TRAF3: variants seen among roughly 807,000 people sequenced by gnomAD.
TRAF3 encodes the protein TNF receptor associated factor 3, also known as TNF receptor-associated factor 3.
In TRAF3, 13 loss-of-function variants were observed where a neutral mutation model predicts 62.3. That is an observed-to-expected ratio of 0.21 (90% CI 0.14 to 0.33). The LOEUF is 0.33. Ranked by LOEUF, TRAF3 falls within the 10% of genes least tolerant of loss-of-function variation. The pLI, the probability that TRAF3 is intolerant of heterozygous loss-of-function variation, is 1.00. For missense variants in TRAF3, 440 were observed against 741.8 expected (o/e 0.59, Z 4.73); for synonymous variants, 269 against 283.4 (o/e 0.95, Z 0.51).
At chr14:102,879,686 C>A (rs543733715) in intron 6 of TRAF3, among the ~76,000 whole-genome samples, 2 of 147,838 alleles carry the variant, frequency 1.4e-5, no homozygotes, top group Admixed American at 6.8e-5. Context: ...ATGGCAAAAA[C>A]GGCAATTACT....
At chr14:102,790,402 A>G (rs1428740234) in intron 1 of TRAF3, among the ~76,000 whole-genome samples, 1 of 152,200 alleles carries the variant, frequency 6.6e-6, no homozygotes, top group Non-Finnish European at 1.5e-5. Flanking sequence ...ACCACACTAT[A>G]TTAGTCTGTT....
chr14:102,844,072 A>G (rs1886547907), intron 2 of TRAF3, among the ~76,000 whole-genome samples: 1 of 152,256 alleles, frequency 6.6e-6, no homozygotes, highest in East Asian at 1.9e-4. Context: ...CAGTCCTATG[A>G]CTATTAAAAA....
chr14:102,800,867 T>C (rs1050994723), intron 1 of TRAF3, among the ~76,000 whole-genome samples: 1 of 152,108 alleles, frequency 6.6e-6, no homozygotes, highest in Non-Finnish European at 1.5e-5. Context: ...AGCTGATTTT[T>C]TAATTTAAAT....
intron 2 of TRAF3, among the ~76,000 whole-genome samples, chr14:102,843,887 T>C (rs1387906069): frequency 6.6e-6 from 1 of 151,814 alleles, no homozygotes; most frequent in Non-Finnish European, 1.5e-5. Context: ...ATATAAATAA[T>C]GAAATGAAAT....
At chr14:102,861,264 GTGCAAGGCAGATTAATCCAAAGAGA>G (rs1158259221) in intron 2 of TRAF3, among the ~76,000 whole-genome samples, 1 of 152,208 alleles carries the variant, frequency 6.6e-6, no homozygotes, top group African/African-American at 2.4e-5. Flanking sequence ...TCAGCAAAGA[GTGCAAGGCAGATTAATCCAAAGAGA>G]ATAGCAGTTA....
intron 1 of TRAF3, among the ~76,000 whole-genome samples, chr14:102,792,325 C>T (rs954590919): frequency 4.6e-5 from 7 of 151,526 alleles, no homozygotes; most frequent in Non-Finnish European, 1.0e-4. Context: ...CAGGGTCTTG[C>T]TGTGTTGCCC....
rs373758197 is a variant in TRAF3, at chr14:102,791,308, C to T, written c.-157+13633C>T. On this transcript the variant is annotated intron_variant, in intron 1 of 11. Coordinates refer to ENST00000392745, the MANE Select transcript of TRAF3 (RefSeq NM_145725.3). ...TGCTGGGATTACAGGTATGAGCCAC[C>T]GCGCCCAGCTGAACTTGGGATGTCT... 2.4e-4 allele frequency among the ~76,000 whole-genome samples: 36 copies of T among 152,140 alleles called. 1 individual carries two copies. In the East Asian group the frequency reaches 2.5e-3, roughly 11 times the overall value.
chr14:102,854,987 T>C (rs1427958407), intron 2 of TRAF3, among the ~76,000 whole-genome samples: 3 of 152,192 alleles, frequency 2.0e-5, no homozygotes, highest in African/African-American at 7.2e-5. Flanking sequence ...CCATAAGCAG[T>C]GAGTCCCCAT....
chr14:102,855,886 G>A (rs1352618001), intron 2 of TRAF3, among the ~76,000 whole-genome samples: 2 of 151,862 alleles, frequency 1.3e-5, no homozygotes, highest in Non-Finnish European at 2.9e-5. Context: ...GAGCCCAGGA[G>A]TTTGAGAACA....
rs368657221 is a variant in TRAF3, at chr14:102,797,469, A to AGAG, written c.-157+19810_-157+19812dup. Among the ~76,000 whole-genome samples, 198 of 152,038 alleles carry AGAG rather than the reference A, an allele frequency of 1.3e-3. 4 individuals carry two copies. In the East Asian group the frequency reaches 0.032, roughly 24 times the overall value. ...TGTTGGTAAGCCAGAGGCAGGAGGAAGAGGAGGAGGAGGAGGAGATAGTGG... is the reference window on the plus strand; with the variant it reads ...TGTTGGTAAGCCAGAGGCAGGAGGAAGAGGAGGAGGAGGAGGAGGAGATAGTGG... On this transcript the variant is annotated intron_variant, in intron 1 of 11. Coordinates refer to ENST00000392745, the MANE Select transcript of TRAF3 (RefSeq NM_145725.3).
intron 4 of TRAF3, 101 bp downstream of exon 4, chr14:102,872,069 A>C: frequency 7.8e-6 from 10 of 1,284,048 alleles, no homozygotes; most frequent in Non-Finnish European, 1.1e-5. Flanking sequence ...ACATTCTCTC[A>C]GTTTTGGCAG....
intron 2 of TRAF3, among the ~76,000 whole-genome samples, chr14:102,853,358 C>T (rs573530099): frequency 2.6e-5 from 4 of 152,066 alleles, no homozygotes; most frequent in Admixed American, 2.0e-4. Flanking sequence ...TTTTTATGTT[C>T]GTGGTGGTGG....
intron 2 of TRAF3, among the ~76,000 whole-genome samples, chr14:102,842,787 T>C (rs1316466447): frequency 6.6e-6 from 1 of 152,122 alleles, no homozygotes; most frequent in Non-Finnish European, 1.5e-5. Context: ...GGTCACATCT[T>C]GTGTGAACCA....
At chr14:102,894,736 C>T (rs149023583) in intron 9 of TRAF3, among the ~76,000 whole-genome samples, 1 of 152,302 alleles carries the variant, frequency 6.6e-6, no homozygotes, top group East Asian at 1.9e-4. Flanking sequence ...TCATACTCAA[C>T]TGCTTGATTT....
At chr14:102,854,626 T>C (rs1887252639) in intron 2 of TRAF3, among the ~76,000 whole-genome samples, 6 of 152,094 alleles carry the variant, frequency 3.9e-5, no homozygotes. Flanking sequence ...GCCCCCCAGA[T>C]AGCTGGGACT....
At chr14:102,815,316 T>G (rs978554330) in intron 1 of TRAF3, among the ~76,000 whole-genome samples, 1 of 152,150 alleles carries the variant, frequency 6.6e-6, no homozygotes, top group South Asian at 2.1e-4. Flanking sequence ...TTATATAGTT[T>G]TAGTTCTTTT....
At chr14:102,889,727 C>T in intron 8 of TRAF3, 93 bp downstream of exon 8, 1 of 1,457,886 alleles carries the variant, frequency 6.9e-7, no homozygotes, top group Admixed American at 1.7e-5. Flanking sequence ...GCTCTGGACT[C>T]CTTATTCTTT....
At chr14:102,792,920 C>T (rs1275887736) in intron 1 of TRAF3, among the ~76,000 whole-genome samples, 1 of 152,070 alleles carries the variant, frequency 6.6e-6, no homozygotes, top group Non-Finnish European at 1.5e-5. Flanking sequence ...CGGGTCACTG[C>T]AACCTCAGCC....
intron 2 of TRAF3, among the ~76,000 whole-genome samples, chr14:102,866,624 A>G (rs2139809563): frequency 6.6e-6 from 1 of 152,234 alleles, no homozygotes; most frequent in East Asian, 1.9e-4. Context: ...TGGAAGGATC[A>G]TTTGAGGCCA....
Sources: gnomAD v4.1 joint callset for allele counts (sites outside exome capture counted in the v4.1 genomes callset) on GRCh38, gnomAD v4.1.1 for gene constraint, MANE v1.5 for transcripts, NCBI Gene and HGNC (gene_info 2026-07-23, HGNC 2026-07-21) for gene names.